Variants in VSNL1 observed in about 807,000 individuals in gnomAD.
VSNL1 encodes the protein visinin-like protein 1.
In VSNL1, 6 loss-of-function variants were observed where a neutral mutation model predicts 20.4. The observed-to-expected ratio is 0.29, with a 90% confidence interval of 0.16 to 0.58. VSNL1 has a LOEUF of 0.58. Among genes scored for constraint, VSNL1 ranks in the 20% least tolerant of loss-of-function variants. The pLI, the probability that VSNL1 is intolerant of heterozygous loss-of-function variation, is 0.90. For missense variants in VSNL1, 100 were observed against 234.5 expected (o/e 0.43, Z 3.75); for synonymous variants, 93 against 86.4 (o/e 1.08, Z -0.42).
At chr2:17,619,882 C>A (rs897235573) in intron 2 of VSNL1, among the ~76,000 whole-genome samples, 3 of 130,022 alleles carry the variant, frequency 2.3e-5, no homozygotes, top group Non-Finnish European at 4.5e-5. Flanking sequence ...AAAATGCAAT[C>A]CCCCCCCAAA....
intron 2 of VSNL1, among the ~76,000 whole-genome samples, chr2:17,615,618 T>A (rs1665197310): frequency 6.6e-6 from 1 of 152,244 alleles, no homozygotes; most frequent in East Asian, 1.9e-4. Context: ...TTTATTTTTG[T>A]CACATACAAA....
At chr2:17,635,158 AGGGTCCGCCAGAGGGACT>A (rs933714238) in intron 2 of VSNL1, among the ~76,000 whole-genome samples, 8 of 152,264 alleles carry the variant, frequency 5.3e-5, no homozygotes, top group African/African-American at 1.9e-4. Context: ...GAGGAGGAGA[AGGGTCCGCCAGAGGGACT>A]GGGCTGAAGG....
intron 1 of VSNL1, among the ~76,000 whole-genome samples, chr2:17,553,991 T>G (rs1572328081): frequency 6.6e-6 from 1 of 152,196 alleles, no homozygotes; most frequent in Non-Finnish European, 1.5e-5. Context: ...ACAGACCATC[T>G]TTTGCACTGG....
At chr2:17,593,675 T>C (rs1664646722) in intron 2 of VSNL1, among the ~76,000 whole-genome samples, 1 of 152,226 alleles carries the variant, frequency 6.6e-6, no homozygotes, top group African/African-American at 2.4e-5. Context: ...ATACGATCAC[T>C]GTGACATTTC....
At position 17,655,471 on chromosome 2, in the gene VSNL1, A is replaced by G; in HGVS notation, c.*77A>G. ...TGCAGCTATTCACACACACACACACACACACACACACACACACACACACAC... is the reference window on the plus strand; with the variant it reads ...TGCAGCTATTCACACACACACACACGCACACACACACACACACACACACAC... On this transcript the variant is annotated 3_prime_UTR_variant, in exon 4 of 4. Coordinates refer to ENST00000295156, the MANE Select transcript of VSNL1 (RefSeq NM_003385.5). The surrounding 1 kb of genome is among the most constrained non-coding windows in gnomAD (Gnocchi z 5.2). The G allele has an allele frequency of 1.0e-6, 1 of 972,542 alleles. No individual in the cohort carries two copies. The highest frequency in any genetic ancestry group is 2.3e-5 in the Admixed American group (1 of 43,194). The allele number at this position is 972,542 out of a possible 1,614,324, so 60.2% of individuals were successfully genotyped here. A position where few individuals can be genotyped will look rare whatever the true frequency, so the allele number is the denominator to read the frequency against.
intron 2 of VSNL1, among the ~76,000 whole-genome samples, chr2:17,622,127 G>T (rs1017500421): frequency 4.0e-5 from 6 of 151,228 alleles, no homozygotes; most frequent in Non-Finnish European, 7.4e-5. Context: ...AAATCCAGAG[G>T]TATTCCAAAG....
intron 1 of VSNL1, among the ~76,000 whole-genome samples, chr2:17,586,943 A>G (rs566383594): frequency 6.6e-6 from 1 of 152,274 alleles, no homozygotes; most frequent in African/African-American, 2.4e-5. Context: ...GTTTCAGGAT[A>G]TGAGTGAAGA....
intron 1 of VSNL1, among the ~76,000 whole-genome samples, chr2:17,553,381 A>G (rs779113028): frequency 2.6e-4 from 40 of 152,228 alleles, no homozygotes; most frequent in Non-Finnish European, 4.0e-4. Context: ...AAATATCTTT[A>G]ACTTCATACC....
chr2:17,580,207 C>T (rs1212431118), intron 1 of VSNL1, among the ~76,000 whole-genome samples: 1 of 152,130 alleles, frequency 6.6e-6, no homozygotes, highest in East Asian at 1.9e-4. Flanking sequence ...CATAGATCAC[C>T]ACTTCTGGGT....
chr2:17,580,305 A>G (rs1394581468), intron 1 of VSNL1, among the ~76,000 whole-genome samples: 2 of 152,218 alleles, frequency 1.3e-5, no homozygotes, highest in Non-Finnish European at 2.9e-5. Context: ...GCCTTGGGGA[A>G]CATTAACATC....
chr2:17,628,274 T>C (rs1230366796), intron 2 of VSNL1, among the ~76,000 whole-genome samples: 2 of 152,236 alleles, frequency 1.3e-5, no homozygotes, highest in Admixed American at 1.3e-4. Context: ...ATCTAACAGT[T>C]GTTAAATTGA....
intron 1 of VSNL1, among the ~76,000 whole-genome samples, chr2:17,589,947 C>G (rs1664561384): frequency 2.1e-5 from 3 of 141,840 alleles, no homozygotes; most frequent in Admixed American, 2.1e-4. Flanking sequence ...CCTGCTTTCG[C>G]TCTTCCTGTT....
chr2:17,643,069 ATG>A lies in VSNL1; in HGVS notation c.163-6337_163-6336del, dbSNP rs142073462. On this transcript the variant is annotated intron_variant, in intron 2 of 3. Coordinates refer to ENST00000295156, the MANE Select transcript of VSNL1 (RefSeq NM_003385.5). ...GAGAGCCTACATGTGGAAGGAGCTC[ATG>A]TGTCAGGCTGCACCTACCTTTGGCT... Among the ~76,000 whole-genome samples the A allele has an allele frequency of 4.7e-3, 708 of 152,182 alleles. 4 individuals carry two copies. Among genetic ancestry groups the A allele is most frequent in the African/African-American group, 0.016 (657 of 41,510 alleles).
chr2:17,574,900 G>A (rs1161018404), intron 1 of VSNL1, among the ~76,000 whole-genome samples: 2 of 152,158 alleles, frequency 1.3e-5, no homozygotes, highest in Non-Finnish European at 2.9e-5. Context: ...CCAAGTAGCT[G>A]GAACTACAGG....
chr2:17,608,342 C>T lies in VSNL1; in HGVS notation c.162+16106C>T, dbSNP rs185214125. The stretch of plus-strand genomic sequence containing the variant: ...AAATGTGACATGTCTACCAGGAGCA[C>T]GATAAATGATGACATCGTGTTAAAG... On this transcript the variant is annotated intron_variant, in intron 2 of 3. Coordinates refer to ENST00000295156, the MANE Select transcript of VSNL1 (RefSeq NM_003385.5). Among the ~76,000 whole-genome samples, 30 of 152,272 alleles carry T rather than the reference C, an allele frequency of 2.0e-4. No homozygotes were observed. In the East Asian group the frequency reaches 4.2e-3, roughly 22 times the overall value.
At chr2:17,554,431 C>A (rs938387265) in intron 1 of VSNL1, among the ~76,000 whole-genome samples, 7 of 152,130 alleles carry the variant, frequency 4.6e-5, no homozygotes, top group African/African-American at 1.7e-4. Context: ...ACTGAGATCA[C>A]CTCATTGTAA....
intron 2 of VSNL1, among the ~76,000 whole-genome samples, chr2:17,615,462 A>C (rs1451478522): frequency 6.6e-6 from 1 of 152,230 alleles, no homozygotes; most frequent in African/African-American, 2.4e-5. Flanking sequence ...TGTAAAACTA[A>C]ATTCTAAAGA....
intron 1 of VSNL1, among the ~76,000 whole-genome samples, chr2:17,587,328 G>T (rs1486758398): frequency 6.8e-6 from 1 of 146,634 alleles, no homozygotes; most frequent in Non-Finnish European, 1.5e-5. Flanking sequence ...GATACAGTAG[G>T]TAAGAGACAG....
At chr2:17,604,742 G>T (rs1010446721) in intron 2 of VSNL1, among the ~76,000 whole-genome samples, 1 of 152,208 alleles carries the variant, frequency 6.6e-6, no homozygotes, top group African/African-American at 2.4e-5. Context: ...AGACAAATGG[G>T]TTGTTTTATC....
Sources: gnomAD v4.1 joint callset for allele counts (sites outside exome capture counted in the v4.1 genomes callset) on GRCh38, gnomAD v4.1.1 for gene constraint, Gnocchi (gnomAD v3.1) non-coding constraint, MANE v1.5 for transcripts, NCBI Gene and HGNC (gene_info 2026-07-23, HGNC 2026-07-21) for gene names.